Variants in RBFOX1 observed in about 807,000 individuals in gnomAD.
The protein encoded by RBFOX1 is RNA binding fox-1 homolog 1, also known as RNA binding protein fox-1 homolog 1.
Under a neutral mutation model 57.7 loss-of-function variants are expected in RBFOX1, and 8 were observed. The observed-to-expected ratio is 0.14, with a 90% CI of 0.08 to 0.25. The LOEUF is 0.25. Among genes scored for constraint, RBFOX1 ranks in the 10% least tolerant of loss-of-function variants. The pLI is 1.00. For missense variants in RBFOX1, 611 were observed against 548.5 expected, an observed-to-expected ratio of 1.11 and a Z score of -1.14; for synonymous variants, 326 against 222.4, an observed-to-expected ratio of 1.47 and a Z score of -4.15.
chr16:6,421,976 A>T (rs2093786756), intron 2 of RBFOX1, among the ~76,000 whole-genome samples: 1 of 135,832 alleles, frequency 7.4e-6, no homozygotes, highest in Non-Finnish European at 1.5e-5. Flanking sequence ...CCTGGAGTGC[A>T]GTGGTGCTAT....
intron 3 of RBFOX1, among the ~76,000 whole-genome samples, chr16:6,845,060 C>A (rs750579793): frequency 3.3e-5 from 5 of 152,080 alleles, no homozygotes; most frequent in Non-Finnish European, 5.9e-5. Context: ...GCTTGAGTTC[C>A]TTGTACACTC....
At chr16:6,541,361 A>G (rs1267293308) in intron 2 of RBFOX1, among the ~76,000 whole-genome samples, 2 of 152,222 alleles carry the variant, frequency 1.3e-5, no homozygotes, top group Admixed American at 6.5e-5. Context: ...CACTTACCCA[A>G]TGCCAGACAC....
chr16:6,181,629 G>A lies in RBFOX1; in HGVS notation c.-126-135366G>A, dbSNP rs150446532. Among the ~76,000 whole-genome samples the A allele has an allele frequency of 2.6e-5, 4 of 152,210 alleles. No homozygotes were observed. In the South Asian group the frequency reaches 8.3e-4, roughly 32 times the overall value. On this transcript the variant is annotated intron_variant, in intron 1 of 15. Coordinates refer to ENST00000550418, the MANE Select transcript of RBFOX1 (RefSeq NM_018723.4). ...GTAACCGTAGTCTATTCCTGTGGTG[G>A]GGGGGAGGAGGGTCCCCACATATTC...
intron 2 of RBFOX1, among the ~76,000 whole-genome samples, chr16:6,568,609 C>T (rs192366107): frequency 6.6e-6 from 1 of 152,022 alleles, no homozygotes; most frequent in Non-Finnish European, 1.5e-5. Flanking sequence ...TATCTCAGGG[C>T]CATCTTGGGG....
chr16:7,500,658 C>A (rs976128974), intron 4 of RBFOX1, among the ~76,000 whole-genome samples: 1 of 152,196 alleles, frequency 6.6e-6, no homozygotes, highest in African/African-American at 2.4e-5. Context: ...ACCTGGCTCT[C>A]AGCTTCTTCC....
intron 1 of RBFOX1, among the ~76,000 whole-genome samples, chr16:5,332,556 A>G (rs1188911034): frequency 6.6e-6 from 1 of 151,972 alleles, no homozygotes; most frequent in Non-Finnish European, 1.5e-5. Context: ...AAGTCACTGC[A>G]CTCGGCCAAG....
chr16:5,871,934 T>G (rs1375220603), intron 4 of RBFOX1, among the ~76,000 whole-genome samples: 2 of 152,188 alleles, frequency 1.3e-5, no homozygotes, highest in African/African-American at 4.8e-5. Context: ...AATGGGAAAC[T>G]ACGCAGGTAG....
At chr16:5,521,137 C>G (rs373401825) in intron 2 of RBFOX1, among the ~76,000 whole-genome samples, 119 of 152,290 alleles carry the variant, frequency 7.8e-4, no homozygotes, top group African/African-American at 2.8e-3. Flanking sequence ...TGGTTGCAGT[C>G]TGGCTTTCCA....
chr16:5,388,042 T>C (rs892169318), intron 1 of RBFOX1, among the ~76,000 whole-genome samples: 3 of 152,060 alleles, frequency 2.0e-5, no homozygotes, highest in Non-Finnish European at 4.4e-5. Context: ...AGAAAATGAA[T>C]AATCCCATAG....
chr16:6,214,970 G>T (rs1206945099), intron 1 of RBFOX1, among the ~76,000 whole-genome samples: 3 of 127,742 alleles, frequency 2.3e-5, no homozygotes, highest in Non-Finnish European at 3.5e-5. Context: ...GAGGGAGAAG[G>T]AGGGAGAAGG....
chr16:7,136,351 T>C (rs908030234), intron 4 of RBFOX1, among the ~76,000 whole-genome samples: 1 of 151,896 alleles, frequency 6.6e-6, no homozygotes, highest in African/African-American at 2.4e-5. Context: ...CTAGTAGCTG[T>C]CATATTGGAG....
In RBFOX1 at chr16:7,558,462, A is replaced by T. The variant is rs8053807; in HGVS notation, c.271-21315A>T. On this transcript the variant is annotated intron_variant, in intron 5 of 15. Transcript: ENST00000550418. ...TGTATATATCAATATGAATATATACATGTATAGTACATAAATACATGTGTA... is the reference window on the plus strand; with the variant it reads ...TGTATATATCAATATGAATATATACTTGTATAGTACATAAATACATGTGTA... 4.8e-3 allele frequency among the ~76,000 whole-genome samples: 729 copies of T among 152,268 alleles called. 9 individuals are homozygous for T. The highest frequency in any genetic ancestry group is 0.017 in the African/African-American group (701 of 41,538).
intron 3 of RBFOX1, among the ~76,000 whole-genome samples, chr16:6,943,924 A>G (rs944220331): frequency 4.6e-5 from 7 of 152,282 alleles, no homozygotes; most frequent in Admixed American, 2.0e-4. Context: ...TGTTCTGACC[A>G]TGACATATCC....
chr16:5,478,387 T>C (rs1483922167), intron 2 of RBFOX1, among the ~76,000 whole-genome samples: 1 of 152,118 alleles, frequency 6.6e-6, no homozygotes, highest in Non-Finnish European at 1.5e-5. Context: ...GGGTAATGAA[T>C]GTGCAGTTAT....
intron 4 of RBFOX1, among the ~76,000 whole-genome samples, chr16:7,367,303 C>G (rs1216355541): frequency 1.3e-5 from 2 of 152,142 alleles, no homozygotes; most frequent in Non-Finnish European, 2.9e-5. Context: ...AGTTTGTAGT[C>G]ATCATCATGT....
chr16:5,976,515 C>A (rs1249869407), intron 4 of RBFOX1, among the ~76,000 whole-genome samples: 12 of 152,148 alleles, frequency 7.9e-5, no homozygotes. Flanking sequence ...TGGTCCACTT[C>A]CCTTAGGAAT....
intron 3 of RBFOX1, among the ~76,000 whole-genome samples, chr16:6,850,546 G>A (rs4786125): frequency 0.78 from 117,997 of 152,020 alleles, 46,610 homozygotes; most frequent in African/African-American, 0.92. Context: ...GGCCAGATCT[G>A]TACCCACACA....
At chr16:6,954,883 C>G (rs1415980543) in intron 3 of RBFOX1, among the ~76,000 whole-genome samples, 1 of 152,032 alleles carries the variant, frequency 6.6e-6, no homozygotes, top group Non-Finnish European at 1.5e-5. Flanking sequence ...TTCATGTGTC[C>G]TCAAATAAAG....
chr16:6,940,851 CTG>C (rs1009221597), intron 3 of RBFOX1, among the ~76,000 whole-genome samples: 25 of 126,980 alleles, frequency 2.0e-4, no homozygotes, highest in Non-Finnish European at 3.2e-4. Flanking sequence ...TCCGGCTAGT[CTG>C]TGTGTGTGTG....
Sources: gnomAD v4.1 joint callset for allele counts (sites outside exome capture counted in the v4.1 genomes callset) on GRCh38, gnomAD v4.1.1 for gene constraint, MANE v1.5 for transcripts, NCBI Gene and HGNC (gene_info 2026-07-23, HGNC 2026-07-21) for gene names.